The following EFHD1 variants were observed in gnomAD, a reference collection of about 807,000 sequenced individuals.
The protein encoded by EFHD1 is EF-hand domain family member D1.
A neutral mutation model predicts 17.2 loss-of-function variants in EFHD1; 10 were observed. The observed-to-expected ratio is 0.58, with a 90% confidence interval of 0.36 to 0.99. The LOEUF (loss-of-function observed/expected upper bound fraction) is 0.99. Ranked by LOEUF, EFHD1 falls within the 50% of genes least tolerant of loss-of-function variation. EFHD1 has a pLI of 0.01. For missense variants in EFHD1, 310 were observed against 327.5 expected, an observed-to-expected ratio of 0.95 and a Z score of 0.41; for synonymous variants, 153 against 142.0, an observed-to-expected ratio of 1.08 and a Z score of -0.55.
intron 1 of EFHD1, among the ~76,000 whole-genome samples, chr2:232,655,121 C>T (rs1694736735): frequency 6.6e-6 from 1 of 152,214 alleles, no homozygotes; most frequent in Admixed American, 6.5e-5. Context: ...GCTATGTGTG[C>T]TGGGCAGTGA....
intron 3 of EFHD1, among the ~76,000 whole-genome samples, chr2:232,678,222 C>T (rs893941063): frequency 2.0e-5 from 3 of 150,886 alleles, no homozygotes; most frequent in Admixed American, 6.6e-5. Context: ...GCTGAGATCA[C>T]GCCATTGAGC....
chr2:232,633,641 C>A lies in EFHD1; in HGVS notation c.-64C>A. 7.3e-7 allele frequency: 1 copy of A among 1,360,546 alleles called. No individual in the cohort carries two copies. The highest frequency in any genetic ancestry group is 9.4e-7 in the Non-Finnish European group (1 of 1,066,512). 84.3% of individuals were successfully genotyped at this position (1,360,546 alleles called of 1,614,324 possible). ...AGCCTCGAGCCTGCGAGGAGCGCGCCGCCCGCCAGCTCCCTGCGTCCCGTC... is the reference window on the plus strand; with the variant it reads ...AGCCTCGAGCCTGCGAGGAGCGCGCAGCCCGCCAGCTCCCTGCGTCCCGTC... On this transcript the variant is annotated 5_prime_UTR_variant, in exon 1 of 4. Transcript: ENST00000264059.
chr2:232,678,408 T>A (rs539431362), intron 3 of EFHD1, among the ~76,000 whole-genome samples: 370 of 152,342 alleles, frequency 2.4e-3, no homozygotes, highest in Non-Finnish European at 3.7e-3. Context: ...TTAAATTAAA[T>A]ATCTCAAAGG....
intron 1 of EFHD1, chr2:232,638,130 A>G (rs1395160658): frequency 1.1e-5 from 3 of 265,476 alleles, no homozygotes; most frequent in African/African-American, 2.2e-5. Flanking sequence ...GAGAAGGCCC[A>G]GAAGAAACTG....
chr2:232,625,504 G>T, intron 1 of EFHD1, among the ~76,000 whole-genome samples: 1 of 152,116 alleles, frequency 6.6e-6, no homozygotes, highest in East Asian at 1.9e-4. Context: ...CAACCCAAAA[G>T]CCGCTTAGGA....
intron 1 of EFHD1, among the ~76,000 whole-genome samples, chr2:232,620,387 CAA>C (rs78046050): frequency 3.4e-4 from 28 of 81,830 alleles, no homozygotes; most frequent in Admixed American, 5.4e-4. Flanking sequence ...GACTCCATCT[CAA>C]AAAAAAAAAA....
chr2:232,628,650 A>C (rs1459398898), upstream of EFHD1, among the ~76,000 whole-genome samples: 1 of 152,194 alleles, frequency 6.6e-6, no homozygotes, highest in African/African-American at 2.4e-5. Flanking sequence ...CAGATGCCAC[A>C]GAAATGGACT....
chr2:232,646,717 G>A (rs115903037), intron 1 of EFHD1, among the ~76,000 whole-genome samples: 15,685 of 152,138 alleles, frequency 0.1, 1,072 homozygotes, highest in Middle Eastern at 0.23. Flanking sequence ...AAAGTGCTGG[G>A]ATTACAGGCA....
At chr2:232,617,546 C>G (rs187550209) in intron 1 of EFHD1, among the ~76,000 whole-genome samples, 3 of 150,706 alleles carry the variant, frequency 2.0e-5, no homozygotes, top group African/African-American at 7.3e-5. Flanking sequence ...CCCAGCTATT[C>G]GGGAGGCTGA....
At chr2:232,617,847 G>T (rs1432464641) in intron 1 of EFHD1, among the ~76,000 whole-genome samples, 2 of 151,166 alleles carry the variant, frequency 1.3e-5, no homozygotes, top group Non-Finnish European at 3.0e-5. Flanking sequence ...TACTCCGGAG[G>T]CTGAGGCAGG....
At chr2:232,634,239 C>T (rs1304808260) in intron 1 of EFHD1, among the ~76,000 whole-genome samples, 1 of 152,106 alleles carries the variant, frequency 6.6e-6, no homozygotes, top group African/African-American at 2.4e-5. Context: ...CCCAAAAGTT[C>T]TCGGCGGCTG....
chr2:232,665,002 C>A (rs543248297), intron 2 of EFHD1, among the ~76,000 whole-genome samples: 7 of 152,196 alleles, frequency 4.6e-5, no homozygotes, highest in African/African-American at 1.4e-4. Context: ...ACCCTTATCT[C>A]CCAGGCTCAA....
chr2:232,676,859 A>G (rs1309695443), intron 3 of EFHD1, among the ~76,000 whole-genome samples: 2 of 152,090 alleles, frequency 1.3e-5, no homozygotes, highest in Non-Finnish European at 2.9e-5. Context: ...AGAAGAGATT[A>G]GGCTGGGTGC....
intron 1 of EFHD1, among the ~76,000 whole-genome samples, chr2:232,617,224 G>A (rs1452099394): frequency 6.6e-6 from 1 of 152,210 alleles, no homozygotes; most frequent in East Asian, 1.9e-4. Flanking sequence ...GGCCTTTTAT[G>A]ACCTAGTCTC....
chr2:232,682,162 G>T lies in EFHD1; in HGVS notation c.*443G>T. The T allele has an allele frequency of 6.4e-6, 1 of 155,974 alleles. No individual in the cohort carries two copies. The highest frequency in any genetic ancestry group is 1.4e-5 in the Non-Finnish European group (1 of 70,716). The allele number at this position is 155,974 out of a possible 1,614,324, so 9.7% of individuals were successfully genotyped here. A position where few individuals can be genotyped will look rare whatever the true frequency, so the allele number is the denominator to read the frequency against. The stretch of plus-strand genomic sequence containing the variant: ...AACTTCCCTGTTCTCATCTTTGGTA[G>T]GATTCTGCCAGTTGCTTTTGCATCT... On this transcript the variant is annotated 3_prime_UTR_variant, in exon 4 of 4. Coordinates refer to ENST00000264059, the MANE Select transcript of EFHD1 (RefSeq NM_025202.4).
intron 1 of EFHD1, among the ~76,000 whole-genome samples, chr2:232,623,041 C>A (rs576164439): frequency 6.6e-6 from 1 of 151,982 alleles, no homozygotes; most frequent in East Asian, 1.9e-4. Flanking sequence ...TTCTTCTTTT[C>A]TTTTCTTTTC....
intron 1 of EFHD1, among the ~76,000 whole-genome samples, chr2:232,623,033 C>CGTCTT (rs1694047426): frequency 6.6e-6 from 1 of 151,940 alleles, no homozygotes; most frequent in African/African-American, 2.4e-5. Flanking sequence ...GAAAACTTTT[C>CGTCTT]TTCTTTTCTT....
chr2:232,657,529 G>A (rs1353106965), intron 1 of EFHD1, among the ~76,000 whole-genome samples: 1 of 152,102 alleles, frequency 6.6e-6, no homozygotes, highest in Non-Finnish European at 1.5e-5. Context: ...ACTAGTGTCA[G>A]CCAGGCATGG....
intron 1 of EFHD1, among the ~76,000 whole-genome samples, chr2:232,609,678 CCTCCTG>C (rs1293481128): frequency 6.6e-6 from 1 of 152,208 alleles, no homozygotes; most frequent in Admixed American, 6.5e-5. Context: ...CTCCCAAAGG[CCTCCTG>C]CTCCTTCACC....
Sources: gnomAD v4.1 joint callset for allele counts (sites outside exome capture counted in the v4.1 genomes callset) on GRCh38, gnomAD v4.1.1 for gene constraint, MANE v1.5 for transcripts, NCBI Gene and HGNC (gene_info 2026-07-23, HGNC 2026-07-21) for gene names.